Variants in LPA observed in about 807,000 individuals in gnomAD.
The protein encoded by LPA is apolipoprotein(a).
Under a neutral mutation model 197.9 loss-of-function variants are expected in LPA, and 199 were observed. That is an observed-to-expected ratio of 1.01 (90% confidence interval 0.90 to 1.13). The LOEUF is 1.13. Among genes scored for constraint, LPA ranks in the 50% most tolerant of loss-of-function variants. The pLI is 0.00. For missense variants in LPA, 1,853 were observed against 1,785.8 expected, an observed-to-expected ratio of 1.04 and a Z score of -0.68; for synonymous variants, 715 against 639.5, an observed-to-expected ratio of 1.12 and a Z score of -1.78.
In LPA at chr6:160,599,631, C is replaced by T; in HGVS notation, c.3156G>A (p.Gln1052=). Residue 1052 remains glutamine (Q), a synonymous_variant, in exon 20 of 39, where the codon CAG becomes CAA. Coordinates refer to ENST00000316300, the MANE Select transcript of LPA (RefSeq NM_005577.4). ...QALTEETPGV[Q]DCYYHYGQSY... ...TCTGTCCATAATGGTAGTAGCAGTC[C>T]TGTACCCCGGGGGTTTCCTCAGTCA... 6.2e-7 allele frequency: 1 copy of T among 1,614,066 alleles called. No homozygotes were observed. Among genetic ancestry groups the T allele is most frequent in the Non-Finnish European group, 8.5e-7 (1 of 1,179,964 alleles).
chr6:160,560,599 G>A (rs1347717272), intron 28 of LPA, among the ~76,000 whole-genome samples: 1 of 151,650 alleles, frequency 6.6e-6, no homozygotes, highest in South Asian at 2.1e-4. Context: ...TGTCAGAAGT[G>A]TCTGTTCATA....
chr6:160,607,885 G>A (rs1224565418), intron 16 of LPA, among the ~76,000 whole-genome samples: 1 of 152,024 alleles, frequency 6.6e-6, no homozygotes, highest in Non-Finnish European at 1.5e-5. Flanking sequence ...TCAAAACTTT[G>A]TGATTGCTCT....
chr6:160,566,833 G>A (rs557930798), intron 28 of LPA, among the ~76,000 whole-genome samples: 2 of 151,788 alleles, frequency 1.3e-5, no homozygotes, highest in South Asian at 2.1e-4. Flanking sequence ...AAAAAAGCAG[G>A]GGTTGCAATC....
Position 160,531,676 on chromosome 6 carries a change from A to T in LPA, c.*53T>A. Reference sequence around the variant, plus strand: ...ATTATTTCCAGCATGCTAAATCCTTACCCACGTTTCAGCTTCTAAGTAGGT... The same window carrying T: ...ATTATTTCCAGCATGCTAAATCCTTTCCCACGTTTCAGCTTCTAAGTAGGT... On this transcript the variant is annotated 3_prime_UTR_variant, in exon 39 of 39. Coordinates refer to ENST00000316300, the MANE Select transcript of LPA (RefSeq NM_005577.4). 2 of 1,602,244 alleles carry T rather than the reference A, an allele frequency of 1.2e-6. No individual in the cohort carries two copies. Among genetic ancestry groups the T allele is most frequent in the East Asian group, 2.2e-5 (1 of 44,788 alleles).
At position 160,650,612 on chromosome 6, in the gene LPA, C is replaced by T. The variant is rs1779987931; in HGVS notation, c.50-115G>A. 3.0e-6 allele frequency: 3 copies of T among 1,003,134 alleles called. No homozygotes were observed. The South Asian group carries it at 3.9e-5, about 13-fold the overall frequency. 62.1% of individuals were successfully genotyped at this position (1,003,134 alleles called of 1,614,324 possible). A position where few individuals can be genotyped will look rare whatever the true frequency, so the allele number is the denominator to read the frequency against. On this transcript the variant is annotated intron_variant, in intron 1 of 38. Coordinates refer to ENST00000316300, the MANE Select transcript of LPA (RefSeq NM_005577.4). ...CTGAGAATTACGACCATTCTCTTCT[C>T]TTGATTAGCAGGCAGACAGACGTGC...
At chr6:160,564,338 G>C (rs1250460001) in intron 28 of LPA, among the ~76,000 whole-genome samples, 2 of 152,292 alleles carry the variant, frequency 1.3e-5, no homozygotes. Context: ...AGTTTGGCTG[G>C]ATATGAAATT....
intron 1 of LPA, among the ~76,000 whole-genome samples, chr6:160,658,518 C>T (rs1780168468): frequency 6.6e-6 from 1 of 152,190 alleles, no homozygotes; most frequent in Admixed American, 6.5e-5. Context: ...CTCCAGAGAA[C>T]TTAGGAGCAA....
At chr6:160,555,958 G>C in intron 30 of LPA, 67 bp downstream of exon 30, 1 of 1,206,592 alleles carries the variant, frequency 8.3e-7, no homozygotes, top group Non-Finnish European at 1.2e-6. Flanking sequence ...TTAGCTTGAA[G>C]CAAGGCTCTT....
chr6:160,611,528 C>A (rs577788098), intron 16 of LPA, 34 bp downstream of exon 16: 4 of 1,607,054 alleles, frequency 2.5e-6, no homozygotes, highest in East Asian at 4.5e-5. Context: ...TCAGTTGGCC[C>A]TTTATTCTCT....
At chr6:160,606,323 C>T (rs1415727305) in intron 17 of LPA, among the ~76,000 whole-genome samples, 154 bp downstream of exon 17, 3 of 152,176 alleles carry the variant, frequency 2.0e-5, no homozygotes, top group Admixed American at 2.0e-4. Context: ...CGCTGGCTCC[C>T]CCAGAGAGTG....
intron 1 of LPA, among the ~76,000 whole-genome samples, chr6:160,657,268 C>T (rs756523801): frequency 6.6e-6 from 1 of 152,166 alleles, no homozygotes; most frequent in Non-Finnish European, 1.5e-5. Flanking sequence ...GACTAATCCA[C>T]TCCACCATCC....
chr6:160,540,320 T>G, intron 35 of LPA, 137 bp from the exon 36 acceptor site: 1 of 905,556 alleles, frequency 1.1e-6, no homozygotes, highest in Admixed American at 2.0e-5. Context: ...AGAAACAAAA[T>G]TCACAATTTG....
At chr6:160,584,270 C>CTCTTCTTCTTCT (rs60345887) in intron 26 of LPA, among the ~76,000 whole-genome samples, 1 of 112,872 alleles carries the variant, frequency 8.9e-6, no homozygotes, top group African/African-American at 3.4e-5. Flanking sequence ...CTTCCTCTTC[C>CTCTTCTTCTTCT]TCTTCTTCTT....
intron 30 of LPA, 79 bp from the exon 31 acceptor site, chr6:160,548,738 TA>T (rs1252546744): frequency 6.9e-7 from 1 of 1,455,132 alleles, no homozygotes; most frequent in Non-Finnish European, 9.6e-7. Flanking sequence ...CATTTTGTTC[TA>T]ACAAAGTCTT....
intron 1 of LPA, among the ~76,000 whole-genome samples, chr6:160,654,851 C>T (rs892456064): frequency 2.0e-5 from 3 of 152,164 alleles, no homozygotes; most frequent in Admixed American, 6.5e-5. Flanking sequence ...TGTCCACTTT[C>T]GGGTGGTGCC....
chr6:160,539,501 T>C (rs1189983024), intron 36 of LPA, among the ~76,000 whole-genome samples: 1 of 152,100 alleles, frequency 6.6e-6, no homozygotes, highest in Non-Finnish European at 1.5e-5. Flanking sequence ...TGTTTTCTTT[T>C]CTTTTGTTGA....
rs1339497082 is a variant in LPA at position 160,646,331 on chromosome 6, C to A, written c.274G>T (p.Asp92Tyr). The part of the protein sequence containing the change: ...AVAAPYCYTR[D>Y]PGVRWEYCNL... The stretch of plus-strand genomic sequence containing the variant: ...CAGTACTCCCACCTGACACCGGGAT[C>A]CCTCGTATAACAATAAGGAGCTGCC... The change falls in exon 3 of 39, where the codon GAT (aspartate) becomes TAT (tyrosine). Residue 92 changes from aspartate to tyrosine, a missense_variant. Transcript: ENST00000316300. 4 of 49,138 alleles carry A rather than the reference C, an allele frequency of 8.1e-5. No homozygotes were observed. The highest frequency in any genetic ancestry group is 2.8e-4 in the Admixed American group (1 of 3,630). The allele number at this position is 49,138 out of a possible 1,614,324, so 3.0% of individuals were successfully genotyped here.
intron 28 of LPA, among the ~76,000 whole-genome samples, chr6:160,570,002 T>C (rs889598181): frequency 1.3e-5 from 2 of 152,126 alleles, no homozygotes; most frequent in Admixed American, 6.5e-5. Flanking sequence ...CTAGAGAGGA[T>C]GTGGAGAAAT....
intron 28 of LPA, among the ~76,000 whole-genome samples, chr6:160,575,985 T>C (rs942072388): frequency 6.6e-6 from 1 of 152,140 alleles, no homozygotes; most frequent in Middle Eastern, 3.2e-3. Flanking sequence ...TGTGGTCTTC[T>C]TGGGCTCCAT....
Sources: gnomAD v4.1 joint callset for allele counts (sites outside exome capture counted in the v4.1 genomes callset) on GRCh38, gnomAD v4.1.1 for gene constraint, MANE v1.5 for transcripts, NCBI Gene and HGNC (gene_info 2026-07-23, HGNC 2026-07-21) for gene names.